GIPC2: variants seen among roughly 807,000 people sequenced by gnomAD.
GIPC2 encodes PDZ domain-containing protein GIPC2.
A neutral mutation model predicts 30.6 loss-of-function variants in GIPC2; 30 were observed. The observed-to-expected ratio is 0.98, with a 90% CI of 0.73 to 1.33. The LOEUF (loss-of-function observed/expected upper bound fraction) is 1.33. GIPC2 is among the 40% of genes most tolerant of loss of function. GIPC2 has a pLI of 0.00. For missense variants in GIPC2, 414 were observed against 390.3 expected (o/e 1.06, Z -0.51); for synonymous variants, 167 against 150.0 (o/e 1.11, Z -0.83).
intron 3 of GIPC2, among the ~76,000 whole-genome samples, chr1:78,097,478 A>T (rs988796745): frequency 6.6e-6 from 1 of 152,232 alleles, no homozygotes; most frequent in African/African-American, 2.4e-5. Flanking sequence ...CTGGAGAGGC[A>T]TGTGGACTAT....
At chr1:78,123,259 C>CA (rs757371953) in intron 4 of GIPC2, among the ~76,000 whole-genome samples, 1,113 of 51,782 alleles carry the variant, frequency 0.021, 49 homozygotes, top group African/African-American at 0.049. Flanking sequence ...GACTCCATCT[C>CA]AAAAAAAAAA....
chr1:78,076,290 A>G (rs1053157937), intron 1 of GIPC2, among the ~76,000 whole-genome samples: 1 of 152,218 alleles, frequency 6.6e-6, no homozygotes, highest in Non-Finnish European at 1.5e-5. Flanking sequence ...TAACAATTCA[A>G]GGCCCTCCAT....
At chr1:78,051,205 A>C (rs913115125) in intron 1 of GIPC2, among the ~76,000 whole-genome samples, 1 of 152,084 alleles carries the variant, frequency 6.6e-6, no homozygotes, top group Non-Finnish European at 1.5e-5. Context: ...AAAAGAAATG[A>C]TGTCATCATT....
chr1:78,124,715 A>G (rs1662750358), intron 4 of GIPC2, among the ~76,000 whole-genome samples: 2 of 152,280 alleles, frequency 1.3e-5, no homozygotes, highest in Admixed American at 6.5e-5. Context: ...CATTGAAAAC[A>G]CAGTTCTTGG....
intron 1 of GIPC2, among the ~76,000 whole-genome samples, chr1:78,054,071 C>T (rs1661244935): frequency 1.3e-5 from 2 of 152,194 alleles, no homozygotes; most frequent in East Asian, 3.8e-4. Context: ...CCTTTACATT[C>T]AACAATATTT....
intron 1 of GIPC2, among the ~76,000 whole-genome samples, chr1:78,061,188 C>T (rs1375611346): frequency 6.6e-6 from 1 of 152,170 alleles, no homozygotes; most frequent in Admixed American, 6.5e-5. Context: ...TTGGTGTAAA[C>T]CCCCATCACC....
chr1:78,048,855 G>A (rs897838654), intron 1 of GIPC2, among the ~76,000 whole-genome samples: 2 of 152,122 alleles, frequency 1.3e-5, no homozygotes, highest in African/African-American at 4.8e-5. Context: ...TACACGAGTT[G>A]TTTTCATGTG....
intron 2 of GIPC2, among the ~76,000 whole-genome samples, chr1:78,081,633 G>A (rs780037049): frequency 5.3e-5 from 8 of 152,060 alleles, no homozygotes; most frequent in African/African-American, 1.7e-4. Flanking sequence ...CAAAGAGAGC[G>A]ATATAGAGCT....
At chr1:78,112,037 A>G (rs112403953) in intron 3 of GIPC2, among the ~76,000 whole-genome samples, 24 of 152,252 alleles carry the variant, frequency 1.6e-4, no homozygotes, top group African/African-American at 5.3e-4. Flanking sequence ...GAGTGATGGT[A>G]GAGATAATCA....
At chr1:78,116,137 C>T (rs190528160) in intron 3 of GIPC2, among the ~76,000 whole-genome samples, 126 of 152,212 alleles carry the variant, frequency 8.3e-4, no homozygotes, top group Non-Finnish European at 1.5e-3. Flanking sequence ...TGGCAACAGA[C>T]GAAAGAGAGC....
intron 1 of GIPC2, among the ~76,000 whole-genome samples, chr1:78,049,378 A>T (rs998997529): frequency 6.6e-6 from 1 of 152,116 alleles, no homozygotes; most frequent in Admixed American, 6.6e-5. Context: ...CTGGTCTTGA[A>T]TTGATATCCT....
chr1:78,089,924 AG>A (rs1662006134), intron 2 of GIPC2, among the ~76,000 whole-genome samples: 3 of 152,248 alleles, frequency 2.0e-5, no homozygotes, highest in Admixed American at 2.0e-4. Context: ...GATAATACTT[AG>A]ATGAATGAGC....
intron 3 of GIPC2, among the ~76,000 whole-genome samples, chr1:78,114,028 A>G (rs1268868371): frequency 2.6e-5 from 4 of 152,186 alleles, no homozygotes; most frequent in African/African-American, 9.7e-5. Flanking sequence ...AATTGCCACA[A>G]AAAGGTCTGG....
intron 2 of GIPC2, among the ~76,000 whole-genome samples, chr1:78,084,818 C>T (rs1304043037): frequency 6.6e-6 from 1 of 152,138 alleles, no homozygotes; most frequent in African/African-American, 2.4e-5. Flanking sequence ...AGTTGTTTAT[C>T]AGCTGAAGGA....
intron 1 of GIPC2, among the ~76,000 whole-genome samples, chr1:78,069,723 C>T (rs960853325): frequency 2.0e-5 from 3 of 152,152 alleles, no homozygotes; most frequent in Non-Finnish European, 4.4e-5. Flanking sequence ...ATCTGCCTGC[C>T]TCAGCCTCCC....
intron 1 of GIPC2, among the ~76,000 whole-genome samples, chr1:78,052,211 G>C (rs1382893649): frequency 6.6e-6 from 1 of 152,168 alleles, no homozygotes; most frequent in Admixed American, 6.5e-5. Context: ...GGCTAGCACT[G>C]ATCATCTCTA....
At chr1:78,067,802 T>C (rs1443264682) in intron 1 of GIPC2, among the ~76,000 whole-genome samples, 1 of 152,184 alleles carries the variant, frequency 6.6e-6, no homozygotes, top group East Asian at 1.9e-4. Flanking sequence ...GTTTTCATTC[T>C]CCCACCCTTT....
chr1:78,080,855 A>C lies in GIPC2; in HGVS notation c.421A>C (p.Ile141Leu). Residue 141 changes from isoleucine to leucine, a missense_variant, in exon 2 of 6, where the codon ATA (isoleucine) becomes CTA (leucine). Ile to Leu is a conservative substitution (Grantham distance 5). Transcript: ENST00000370759. ...ITDNGVGYAFIKRIKDGGVID... is the reference protein window; with the variant it reads ...ITDNGVGYAFLKRIKDGGVID... ...AGATAATGGTGTTGGCTATGCTTTTATAAAGGTAAGTTTTAAAAAATAACA... is the reference window on the plus strand; with the variant it reads ...AGATAATGGTGTTGGCTATGCTTTTCTAAAGGTAAGTTTTAAAAAATAACA... The C allele has an allele frequency of 1.3e-6, 2 of 1,575,792 alleles. No homozygotes were observed. Among genetic ancestry groups the C allele is most frequent in the Non-Finnish European group, 1.7e-6 (2 of 1,156,912 alleles).
At chr1:78,100,886 C>T (rs1171764409) in intron 3 of GIPC2, among the ~76,000 whole-genome samples, 5 of 148,320 alleles carry the variant, frequency 3.4e-5, no homozygotes, top group Non-Finnish European at 5.9e-5. Context: ...GCTGAGATCA[C>T]GCCACTGCAC....
Sources: gnomAD v4.1 joint callset for allele counts (sites outside exome capture counted in the v4.1 genomes callset) on GRCh38, gnomAD v4.1.1 for gene constraint, MANE v1.5 for transcripts, NCBI Gene and HGNC (gene_info 2026-07-23, HGNC 2026-07-21) for gene names.